ANO7: variants seen among roughly 807,000 people sequenced by gnomAD.
The protein encoded by ANO7 is anoctamin-7.
Under a neutral mutation model 115.8 loss-of-function variants are expected in ANO7, and 114 were observed. The observed-to-expected ratio is 0.98, with a 90% CI of 0.85 to 1.15. The LOEUF is 1.15. Among genes scored for constraint, ANO7 ranks in the 50% most tolerant of loss-of-function variants. ANO7 has a pLI of 0.00. For synonymous variants in ANO7, 550 were observed against 498.2 expected (o/e 1.10, Z -1.38); for missense variants, 1,302 against 1,201.2 (o/e 1.08, Z -1.24).
the ANO7 span, chr2:241,235,566 T>G: frequency 6.2e-7 from 1 of 1,614,018 alleles, no homozygotes; most frequent in Non-Finnish European, 8.5e-7. Flanking sequence ...AAAGGGCACC[T>G]CTACTTCAAT....
At chr2:241,238,655 TCTC>T in the ANO7 span, 1 of 1,567,940 alleles carries the variant, frequency 6.4e-7, no homozygotes, top group South Asian at 1.2e-5. The surrounding 1 kb of genome is among the most constrained non-coding windows in gnomAD (Gnocchi z 4.9). Context: ...CCACCTGCGT[TCTC>T]CTCTCTGTCT....
intron 17 of ANO7, among the ~76,000 whole-genome samples, chr2:241,213,040 C>T (rs567474816): frequency 6.6e-6 from 1 of 152,368 alleles, no homozygotes; most frequent in Non-Finnish European, 1.5e-5. Context: ...TACTCTTTCC[C>T]CATTTTAACC....
chr2:241,216,314 C>T, intron 19 of ANO7, 76 bp downstream of exon 19: 1 of 1,454,856 alleles, frequency 6.9e-7, no homozygotes. Context: ...TCAAGGGCCT[C>T]CCAGCCTGAC....
chr2:241,227,959 C>T (rs1405738313), downstream of ANO7: 1 of 152,246 alleles, frequency 6.6e-6, no homozygotes, highest in Admixed American at 6.5e-5. Context: ...CTTCCAATCC[C>T]AATTTACCAT....
chr2:241,212,567 C>T lies in ANO7; in HGVS notation c.1674-5C>T, dbSNP rs1488307349. 1.9e-6 allele frequency: 3 copies of T among 1,612,854 alleles called. No homozygotes were observed. The East Asian group carries it at 6.7e-5, about 36-fold the overall frequency. ...TCAAGGCTCATGATCTTGACTTTCT[C>T]CTAGGTTTGTGGGATACCCAGGCAA... On this transcript the variant is annotated splice_polypyrimidine_tract_variant and splice_region_variant and intron_variant, in intron 16 of 24. Coordinates refer to ENST00000674324, the MANE Select transcript of ANO7 (RefSeq NM_001370694.2).
chr2:241,229,544 C>G, downstream of ANO7: 4 of 1,286,372 alleles, frequency 3.1e-6, no homozygotes, highest in Non-Finnish European at 4.5e-6. Flanking sequence ...TGAGACAAAC[C>G]ATTGTGTGGT....
intron 4 of ANO7, 129 bp downstream of exon 4, chr2:241,195,974 G>A (rs2068318503): frequency 6.4e-7 from 1 of 1,569,260 alleles, no homozygotes; most frequent in South Asian, 1.1e-5. Flanking sequence ...AAGTCCTGCT[G>A]GACCCCCCAG....
At chr2:241,239,949 G>A in the ANO7 span, 61 of 1,614,182 alleles carry the variant, frequency 3.8e-5, no homozygotes, top group Non-Finnish European at 4.7e-5. The surrounding 1 kb of genome is among the most constrained non-coding windows in gnomAD (Gnocchi z 4.6). Context: ...CTCGGACGGC[G>A]TCCTCCTTTC....
chr2:241,189,349 T>G (rs13011576), intron 1 of ANO7, among the ~76,000 whole-genome samples: 5 of 151,990 alleles, frequency 3.3e-5, no homozygotes, highest in Non-Finnish European at 5.9e-5. Context: ...GGCGCCTCCA[T>G]GGTCACACCC....
At chr2:241,192,464 C>T (rs1051384167) in intron 3 of ANO7, among the ~76,000 whole-genome samples, 3 of 152,194 alleles carry the variant, frequency 2.0e-5, no homozygotes, top group African/African-American at 7.2e-5. Context: ...TTTGCAGACG[C>T]GCCTTCTCCC....
chr2:241,239,134 A>G, the ANO7 span, among the ~76,000 whole-genome samples: 14 of 152,148 alleles, frequency 9.2e-5, no homozygotes, highest in Non-Finnish European at 2.9e-5. This position sits in a 1 kb window ranked among gnomAD's most constrained non-coding sequence, Gnocchi z 4.6. Context: ...CTGGCAGGGG[A>G]GTGGCCTGGA....
the ANO7 span, among the ~76,000 whole-genome samples, chr2:241,237,968 T>C: frequency 2.0e-5 from 3 of 152,220 alleles, no homozygotes; most frequent in Non-Finnish European, 2.9e-5. Flanking sequence ...GATGACACTA[T>C]GTGCACTCAG....
Position 241,214,909 on chromosome 2 carries a change from C to T in ANO7, c.1826+7C>T, listed in dbSNP as rs763319455. ...TGCAGGAGGTCCTCATCCCGTGAGT[C>T]CCCCACTCCTCCCTGGGTGGCATCC... On this transcript the variant is annotated splice_region_variant and intron_variant, in intron 18 of 24. Coordinates refer to ENST00000674324, the MANE Select transcript of ANO7 (RefSeq NM_001370694.2). The T allele has an allele frequency of 8.1e-6, 13 of 1,610,846 alleles. No homozygotes were observed. The highest frequency in any genetic ancestry group is 1.1e-5 in the South Asian group (1 of 91,024).
chr2:241,203,194 A>T lies in ANO7; in HGVS notation c.724-139A>T. On this transcript the variant is annotated intron_variant, in intron 8 of 24. Coordinates refer to ENST00000674324, the MANE Select transcript of ANO7 (RefSeq NM_001370694.2). This position sits in a 1 kb window ranked among gnomAD's most constrained non-coding sequence, Gnocchi z 4.8. ...CACCCTGTACCCACCCCTCCACATT[A>T]CTCTATTTTTTCTTCATGGAGCAAT... The T allele has an allele frequency of 1.7e-6, 1 of 590,894 alleles. No individual in the cohort carries two copies. Among genetic ancestry groups the T allele is most frequent in the Non-Finnish European group, 2.8e-6 (1 of 361,076 alleles). The allele number at this position is 590,894 out of a possible 1,614,324, so 36.6% of individuals were successfully genotyped here.
chr2:241,223,191 G>A lies in ANO7; in HGVS notation c.2327G>A (p.Arg776Gln), dbSNP rs1439703728. ...GAGTCCTGTGTCTGCTGCAGGTATC[G>A]GGCTTTCCGGGATGACGATGGACAT... ...AAAHNRTCRY[R>Q]AFRDDDGHYS... is the part of the protein sequence containing the mutation. The change falls in exon 22 of 25, where the codon CGG becomes CAG. Residue 776 changes from arginine to glutamine, a missense_variant. Arg to Gln is a conservative substitution (Grantham distance 43). Transcript: ENST00000674324. The A allele has an allele frequency of 7.4e-6, 12 of 1,614,070 alleles. No individual in the cohort carries two copies. The highest frequency in any genetic ancestry group is 1.1e-5 in the South Asian group (1 of 91,082).
At chr2:241,208,945 C>A (rs184205664) in intron 11 of ANO7, among the ~76,000 whole-genome samples, 3 of 152,008 alleles carry the variant, frequency 2.0e-5, no homozygotes, top group Non-Finnish European at 2.9e-5. Context: ...GTCAGAAGAT[C>A]GAGACCATCC....
At chr2:241,201,581 A>G (rs1016823418) in intron 7 of ANO7, among the ~76,000 whole-genome samples, 2 of 152,166 alleles carry the variant, frequency 1.3e-5, no homozygotes, top group Non-Finnish European at 2.9e-5. Context: ...CCCCTCCGGG[A>G]CCCCAGGGCT....
intron 16 of ANO7, 49 bp from the exon 17 acceptor site, chr2:241,212,523 G>A: frequency 6.3e-7 from 1 of 1,584,940 alleles, no homozygotes; most frequent in Non-Finnish European, 8.6e-7. Context: ...GGAAGTGGGA[G>A]GAGACAGGAA....
rs79153487 is a variant in ANO7 at position 241,225,864 on chromosome 2, T to C, written c.*1711T>C. ...GGGAACCTTGGAAACTTTACACAGA[T>C]GGGGAGCTCAGCCATTCCACGTGTG... On this transcript the variant is annotated 3_prime_UTR_variant, in exon 25 of 25. Coordinates refer to ENST00000674324, the MANE Select transcript of ANO7 (RefSeq NM_001370694.2). Among the ~76,000 whole-genome samples the C allele has an allele frequency of 0.04, 6,017 of 152,238 alleles. 583 individuals are homozygous for C. Among genetic ancestry groups the C allele is most frequent in the Admixed American group, 0.19 (2,935 of 15,288 alleles).
Sources: allele counts gnomAD v4.1 joint callset (sites outside exome capture counted in the v4.1 genomes callset), GRCh38; gene constraint gnomAD v4.1.1; non-coding constraint Gnocchi (gnomAD v3.1); transcripts MANE v1.5; gene names NCBI Gene and HGNC (gene_info 2026-07-23, HGNC 2026-07-21).